PRKD2: variants seen among roughly 807,000 people sequenced by gnomAD.
PRKD2 encodes protein kinase D2, also known as serine/threonine-protein kinase D2.
Under a neutral mutation model 86.0 loss-of-function variants are expected in PRKD2, and 22 were observed. That is an observed-to-expected ratio of 0.26 (90% CI 0.18 to 0.37). The LOEUF (loss-of-function observed/expected upper bound fraction) is 0.37. Ranked by LOEUF, PRKD2 falls within the 10% of genes least tolerant of loss-of-function variation. The pLI is 1.00. For synonymous variants in PRKD2, 509 were observed against 510.9 expected (o/e 1.00, Z 0.05); for missense variants, 818 against 1,199.2 (o/e 0.68, Z 4.70).
At chr19:46,681,988 G>A (rs1432594333) in intron 14 of PRKD2, among the ~76,000 whole-genome samples, 1 of 149,348 alleles carries the variant, frequency 6.7e-6, no homozygotes, top group East Asian at 2.0e-4. Flanking sequence ...CTACAGGCGT[G>A]CACCACCATG....
chr19:46,688,442 A>ATT (rs923962731), intron 14 of PRKD2, among the ~76,000 whole-genome samples: 2 of 139,334 alleles, frequency 1.4e-5, no homozygotes, highest in South Asian at 2.2e-4. Flanking sequence ...TATTATTATT[A>ATT]TTTTTTTTTT....
At chr19:46,677,776 A>G (rs944920769) in intron 16 of PRKD2, among the ~76,000 whole-genome samples, 1 of 152,000 alleles carries the variant, frequency 6.6e-6, no homozygotes, top group Non-Finnish European at 1.5e-5. Flanking sequence ...ATCCACTCCC[A>G]GCTTCCAGGA....
rs745587908 is a variant in PRKD2 at position 46,674,757 on chromosome 19, T to G, written c.2425-22A>C. ...ACTCCTGGGCCCGAGAGAACTGGGG[T>G]TAGCTTGGGGTCTGCATTGGAGCAG... On this transcript the variant is annotated intron_variant, in intron 17 of 17. Coordinates refer to ENST00000291281, the MANE Select transcript of PRKD2 (RefSeq NM_016457.5). The G allele has an allele frequency of 1.9e-6, 3 of 1,596,768 alleles. No individual in the cohort carries two copies. The South Asian group carries it at 3.3e-5, about 18-fold the overall frequency.
chr19:46,714,339 G>T, intron 1 of PRKD2: 4 of 1,042,970 alleles, frequency 3.8e-6, no homozygotes, highest in Non-Finnish European at 4.6e-6. Flanking sequence ...CCTCCCCTGT[G>T]CCTCCTCCCC....
chr19:46,698,570 C>A (rs988586713), intron 7 of PRKD2, among the ~76,000 whole-genome samples: 1 of 152,240 alleles, frequency 6.6e-6, no homozygotes, highest in Non-Finnish European at 1.5e-5. Flanking sequence ...GTGGAGCCAG[C>A]TGTGTGACAC....
At chr19:46,677,036 G>A (rs2053216798) in intron 16 of PRKD2, 1 of 148,380 alleles carries the variant, frequency 6.7e-6, no homozygotes, top group East Asian at 2.0e-4. Context: ...ACTCCAGCGT[G>A]GGTGAAAGAG....
chr19:46,697,027 A>C (rs1386789073), intron 9 of PRKD2, 130 bp downstream of exon 9: 2 of 787,770 alleles, frequency 2.5e-6, no homozygotes, highest in Admixed American at 4.0e-5. Context: ...AGCTGGAAGC[A>C]GGGAGGCTGG....
intron 14 of PRKD2, among the ~76,000 whole-genome samples, chr19:46,688,536 A>C (rs1369497266): frequency 2.6e-5 from 4 of 151,208 alleles, no homozygotes; most frequent in African/African-American, 7.3e-5. Context: ...TCCTGGGCTC[A>C]AGGGATTCTC....
In PRKD2 at chr19:46,682,982, G is replaced by A. The variant is rs545803492; in HGVS notation, c.1972-1234C>T. Among the ~76,000 whole-genome samples, 10 of 151,442 alleles carry A rather than the reference G, an allele frequency of 6.6e-5. No homozygotes were observed. The East Asian group carries it at 7.8e-4, about 12-fold the overall frequency. Reference sequence around the variant, plus strand: ...CTCCCAAAGTGCTTGGATAACAGGCGTGAGCCACCCCACCTCACCCATTTT... The same window carrying A: ...CTCCCAAAGTGCTTGGATAACAGGCATGAGCCACCCCACCTCACCCATTTT... On this transcript the variant is annotated intron_variant, in intron 14 of 17. Coordinates refer to ENST00000291281, the MANE Select transcript of PRKD2 (RefSeq NM_016457.5).
chr19:46,702,028 TCTG>T (rs2053642367), intron 5 of PRKD2, among the ~76,000 whole-genome samples: 1 of 145,758 alleles, frequency 6.9e-6, no homozygotes, highest in African/African-American at 2.6e-5. Context: ...GTTCTATGAT[TCTG>T]TTTTTTGTTT....
At chr19:46,695,039 C>T (rs564822246) in intron 9 of PRKD2, among the ~76,000 whole-genome samples, 9 of 151,652 alleles carry the variant, frequency 5.9e-5, no homozygotes, top group African/African-American at 1.9e-4. Flanking sequence ...CCCATCTCTA[C>T]AAAAAATAAA....
chr19:46,715,912 T>C (rs1257704193), intron 1 of PRKD2, among the ~76,000 whole-genome samples: 1 of 152,144 alleles, frequency 6.6e-6, no homozygotes, highest in Non-Finnish European at 1.5e-5. Context: ...GGACATGAAA[T>C]TTGGGGAGGC....
chr19:46,690,845 T>TA (rs1375814629), intron 12 of PRKD2, 139 bp from the exon 13 acceptor site: 2 of 709,876 alleles, frequency 2.8e-6, no homozygotes, highest in African/African-American at 3.5e-5. Flanking sequence ...CCCCAGGAGA[T>TA]ACGTGAAAAG....
Position 46,674,545 on chromosome 19 carries a change from G to T in PRKD2, c.2615C>A (p.Ala872Glu). ...ACCTCAGAGAACACTGATGCGCTCC[G>T]CCAGCCCCTGCATGTCGTGGTCCTG... Reference protein sequence around the residue: ...PPQDHDMQGLAERISVL With the variant: ...PPQDHDMQGLEERISVL Residue 872 changes from alanine (A) to glutamate (E), a missense_variant, in exon 18 of 18, where the codon GCG becomes GAG. Coordinates refer to ENST00000291281, the MANE Select transcript of PRKD2 (RefSeq NM_016457.5). 6.2e-7 allele frequency: 1 copy of T among 1,612,824 alleles called. No homozygotes were observed.
intron 3 of PRKD2, among the ~76,000 whole-genome samples, chr19:46,705,801 A>G (rs1212220237): frequency 1.4e-5 from 2 of 145,396 alleles, no homozygotes; most frequent in African/African-American, 5.1e-5. Context: ...AAAAAAAAAG[A>G]GTTCTCAGTT....
Position 46,704,360 on chromosome 19 carries a change from C to T in PRKD2, c.698G>A (p.Arg233His), listed in dbSNP as rs746759244. Residue 233 changes from arginine to histidine, a missense_variant, in exon 5 of 18, where the codon CGT (arginine) becomes CAT (histidine). Physicochemically the swap from Arg to His is conservative, Grantham distance 29. This residue lies in a region of PRKD2 where 403 missense variants were observed against 518.6 expected (regional missense o/e 0.78). Coordinates refer to ENST00000291281, the MANE Select transcript of PRKD2 (RefSeq NM_016457.5). ...AGAGGAGGAAGAGGATGACGGGGGACGGCGAGGCAGGAGTTCGGTGGTGCT... is the reference window on the plus strand; with the variant it reads ...AGAGGAGGAAGAGGATGACGGGGGATGGCGAGGCAGGAGTTCGGTGGTGCT... ...SRSTTELLPR[R>H]PPSSSSSSSA... The T allele has an allele frequency of 5.8e-5, 93 of 1,613,840 alleles. No homozygotes were observed. Among genetic ancestry groups the T allele is most frequent in the East Asian group, 2.5e-4 (11 of 44,890 alleles).
intron 1 of PRKD2, among the ~76,000 whole-genome samples, chr19:46,715,740 T>C (rs568027481): frequency 2.6e-5 from 4 of 152,000 alleles, no homozygotes; most frequent in Admixed American, 1.3e-4. Context: ...CGGATCACCA[T>C]GGCCAGCCCG....
rs764752837 is a variant in PRKD2 at position 46,701,122 on chromosome 19, C to A, written c.890-10G>T. The A allele has an allele frequency of 6.2e-7, 1 of 1,613,674 alleles. No homozygotes were observed. The highest frequency in any genetic ancestry group is 1.3e-5 in the African/African-American group (1 of 74,886). On this transcript the variant is annotated splice_polypyrimidine_tract_variant and intron_variant, in intron 5 of 17. Coordinates refer to ENST00000291281, the MANE Select transcript of PRKD2 (RefSeq NM_016457.5). ...CAGTTAAACTTGCAGTCTGGTAGGACAGGGAACAAGGGAACGGGTGAGAAG... is the reference window on the plus strand; with the variant it reads ...CAGTTAAACTTGCAGTCTGGTAGGAAAGGGAACAAGGGAACGGGTGAGAAG...
intron 14 of PRKD2, among the ~76,000 whole-genome samples, chr19:46,686,777 C>T (rs1263831528): frequency 6.6e-6 from 1 of 151,814 alleles, no homozygotes; most frequent in Non-Finnish European, 1.5e-5. Flanking sequence ...CAGTGAGACC[C>T]TGTCTCTACT....
Sources: allele counts gnomAD v4.1 joint callset (sites outside exome capture counted in the v4.1 genomes callset), GRCh38; gene constraint gnomAD v4.1.1; regional missense constraint gnomAD v4.1.1; transcripts MANE v1.5; gene names NCBI Gene and HGNC (gene_info 2026-07-23, HGNC 2026-07-21).